CYP2U1: variants seen among roughly 807,000 people sequenced by gnomAD.
The protein encoded by CYP2U1 is cytochrome P450 family 2 subfamily U member 1, also known as cytochrome P450 2U1.
In CYP2U1, 28 loss-of-function variants were observed where a neutral mutation model predicts 42.8. The observed-to-expected ratio is 0.65, with a 90% confidence interval of 0.48 to 0.90. The LOEUF is 0.90. Among genes scored for constraint, CYP2U1 ranks in the 40% least tolerant of loss-of-function variants. The probability of loss-of-function intolerance (pLI) is 0.00; values close to 1 mark genes in which losing one functional copy is unlikely to be tolerated. For missense variants in CYP2U1, 642 were observed against 693.8 expected (o/e 0.93, Z 0.84); for synonymous variants, 296 against 278.9 (o/e 1.06, Z -0.61).
chr4:107,949,258 A>G (rs1041479329), intron 3 of CYP2U1, 92 bp from the exon 4 acceptor site: 2 of 1,271,156 alleles, frequency 1.6e-6, no homozygotes, highest in Non-Finnish European at 2.1e-6. Context: ...TGATAGGTAT[A>G]TAACTACATT....
chr4:107,950,179 G>A, intron 4 of CYP2U1, 66 bp from the exon 5 acceptor site: 2 of 1,434,680 alleles, frequency 1.4e-6, no homozygotes. Flanking sequence ...ATATAAATTT[G>A]TACTTTTTGA....
At chr4:107,946,363 A>C (rs1370815875) in intron 2 of CYP2U1, among the ~76,000 whole-genome samples, 1 of 152,140 alleles carries the variant, frequency 6.6e-6, no homozygotes, top group Non-Finnish European at 1.5e-5. Flanking sequence ...CTCAACAGGG[A>C]AAGGTTATCT....
At position 107,947,379 on chromosome 4, in the gene CYP2U1, A is replaced by G. The variant is rs1160960820; in HGVS notation, c.1130A>G (p.Lys377Arg). The G allele has an allele frequency of 6.2e-7, 1 of 1,614,060 alleles. No individual in the cohort carries two copies. Among genetic ancestry groups the G allele is most frequent in the Non-Finnish European group, 8.5e-7 (1 of 1,179,960 alleles). The stretch of plus-strand genomic sequence containing the variant: ...TTATTTTTCCCTTTTTACATAGAAA[A>G]GGTTCATGAAGAAATTGAAAGAGTC... ...YMSLNPDVQE[K>R]VHEEIERVIG... is the part of the protein sequence containing the mutation. The change falls in exon 3 of 5, where the codon AAG (lysine) becomes AGG (arginine). Residue 377 changes from lysine (K) to arginine (R), a missense_variant. Coordinates refer to ENST00000332884, the MANE Select transcript of CYP2U1 (RefSeq NM_183075.3).
chr4:107,948,073 G>A (rs1355231754), intron 3 of CYP2U1, among the ~76,000 whole-genome samples: 1 of 152,122 alleles, frequency 6.6e-6, no homozygotes, highest in African/African-American at 2.4e-5. Flanking sequence ...TTCGAGACCA[G>A]CCTGGACAAG....
At chr4:107,949,289 T>A (rs1364133112) in intron 3 of CYP2U1, 61 bp from the exon 4 acceptor site, 16 of 1,367,646 alleles carry the variant, frequency 1.2e-5, no homozygotes, top group Non-Finnish European at 1.5e-5. Context: ...ATAATGATGT[T>A]CAGGGAGAAC....
Position 107,953,041 on chromosome 4 carries a change from A to C in CYP2U1, c.*2618A>C, listed in dbSNP as rs1265276487. On this transcript the variant is annotated 3_prime_UTR_variant, in exon 5 of 5. Transcript: ENST00000332884. ...GATGATACAGTGTGGATTACACTGT[A>C]CCTTGGGCGGGAGAGTTTGTTCTTG... 1 of 152,196 alleles carries C rather than the reference A, an allele frequency of 6.6e-6. No homozygotes were observed. Among genetic ancestry groups the C allele is most frequent in the Admixed American group, 6.5e-5 (1 of 15,274 alleles). 9.4% of individuals were successfully genotyped at this position (152,196 alleles called of 1,614,324 possible). A position where few individuals can be genotyped will look rare whatever the true frequency, so the allele number is the denominator to read the frequency against.
rs537473632 is a variant in CYP2U1, at chr4:107,941,591, A to G, written c.491-3379A>G. 2.0e-5 allele frequency among the ~76,000 whole-genome samples: 3 copies of G among 151,064 alleles called. No homozygotes were observed. In the East Asian group the frequency reaches 5.9e-4, roughly 29 times the overall value. On this transcript the variant is annotated intron_variant, in intron 1 of 4. Transcript: ENST00000332884. Reference sequence around the variant, plus strand: ...CATAAGATAAACCAGGTAAGGTAGCAAAGAAGACTCAAAATAGAAACTTTT... The same window carrying G: ...CATAAGATAAACCAGGTAAGGTAGCGAAGAAGACTCAAAATAGAAACTTTT...
intron 1 of CYP2U1, among the ~76,000 whole-genome samples, chr4:107,942,272 C>T (rs1005044706): frequency 2.0e-5 from 3 of 152,132 alleles, no homozygotes; most frequent in African/African-American, 7.2e-5. Context: ...CAGTCACCAC[C>T]TATTAGGCTC....
At chr4:107,948,900 C>T (rs1733810535) in intron 3 of CYP2U1, among the ~76,000 whole-genome samples, 1 of 152,118 alleles carries the variant, frequency 6.6e-6, no homozygotes, top group African/African-American at 2.4e-5. Flanking sequence ...ATTGACTTGT[C>T]AGCTGGTAAG....
rs780578327 is a variant in CYP2U1 at position 107,950,336 on chromosome 4, T to C, written c.1548T>C (p.Pro516=). Residue 516 remains proline, a synonymous_variant, in exon 5 of 5, where the codon CCT becomes CCC. Transcript: ENST00000332884. ...TGCAGAGTTTCGCATTTGCTTTACC[T>C]GAGGATTCTAAGAAGCCCCTCCTGA... is the stretch of plus-strand genomic sequence containing the variant. ...SLMQSFAFAL[P]EDSKKPLLTG... 1.2e-6 allele frequency: 2 copies of C among 1,614,142 alleles called. No individual in the cohort carries two copies. The highest frequency in any genetic ancestry group is 1.7e-5 in the Admixed American group (1 of 60,020).
chr4:107,950,570 G>T lies in CYP2U1; in HGVS notation c.*147G>T. The T allele has an allele frequency of 1.3e-6, 1 of 752,192 alleles. No homozygotes were observed. The highest frequency in any genetic ancestry group is 2.0e-6 in the Non-Finnish European group (1 of 506,210). The allele number at this position is 752,192 out of a possible 1,614,324, so 46.6% of individuals were successfully genotyped here. ...TCGGAAGGAGGGTAGAGCACACTGG[G>T]AGGTTTCATCTTGGAGGATTCCTCA... On this transcript the variant is annotated 3_prime_UTR_variant, in exon 5 of 5. Transcript: ENST00000332884.
At position 107,931,564 on chromosome 4, in the gene CYP2U1, A is replaced by C. The variant is rs1315511309; in HGVS notation, c.-80A>C. 27 of 1,200,490 alleles carry C rather than the reference A, an allele frequency of 2.2e-5. No individual in the cohort carries two copies. Among genetic ancestry groups the C allele is most frequent in the Non-Finnish European group, 2.6e-5 (25 of 965,266 alleles). 74.4% of individuals were successfully genotyped at this position (1,200,490 alleles called of 1,614,324 possible). On this transcript the variant is annotated 5_prime_UTR_variant, in exon 1 of 5. Transcript: ENST00000332884. ...CCGACCTTCCAGAGCAGAGCAGGAC[A>C]CTGGCGCCGCGGGTCAGGCAGCTGC...
Position 107,931,598 on chromosome 4 carries a change from C to G in CYP2U1, c.-46C>G. On this transcript the variant is annotated 5_prime_UTR_variant, in exon 1 of 5. Transcript: ENST00000332884. ...GCGGGTCAGGCAGCTGCGTGCGCGT[C>G]TCCTCCAGGCAGCAAGGGGAACCCG... is the stretch of plus-strand genomic sequence containing the variant. The G allele has an allele frequency of 8.1e-7, 1 of 1,239,272 alleles. No individual in the cohort carries two copies. The highest frequency in any genetic ancestry group is 3.2e-5 in the East Asian group (1 of 31,602). 76.8% of individuals were successfully genotyped at this position (1,239,272 alleles called of 1,614,324 possible). A position where few individuals can be genotyped will look rare whatever the true frequency, so the allele number is the denominator to read the frequency against.
At chr4:107,941,242 TATAA>T (rs1733483036) in intron 1 of CYP2U1, 1 of 152,002 alleles carries the variant, frequency 6.6e-6, no homozygotes, top group African/African-American at 2.4e-5. Context: ...CATATATATA[TATAA>T]ATATAAATCT....
intron 2 of CYP2U1, among the ~76,000 whole-genome samples, chr4:107,945,909 G>T (rs578029714): frequency 6.6e-6 from 1 of 152,178 alleles, no homozygotes; most frequent in Non-Finnish European, 1.5e-5. Flanking sequence ...TCATAATGCT[G>T]ATCTGAACAC....
chr4:107,932,211 T>G, intron 1 of CYP2U1, 78 bp downstream of exon 1: 1 of 1,489,676 alleles, frequency 6.7e-7, no homozygotes, highest in Non-Finnish European at 8.9e-7. Flanking sequence ...GCAGTTCCTG[T>G]GCCCCTTCCG....
intron 1 of CYP2U1, among the ~76,000 whole-genome samples, chr4:107,943,142 C>T (rs768291194): frequency 6.6e-6 from 1 of 152,134 alleles, no homozygotes; most frequent in East Asian, 1.9e-4. Context: ...AAATAAAAAT[C>T]GATGAGATAC....
intron 1 of CYP2U1, chr4:107,935,954 G>A (rs1342004679): frequency 6.6e-6 from 1 of 152,242 alleles, no homozygotes; most frequent in Non-Finnish European, 1.5e-5. Flanking sequence ...TGAAGTTGGT[G>A]AGAATAGCAG....
Position 107,945,243 on chromosome 4 carries a change from T to C in CYP2U1, c.764T>C (p.Met255Thr). 3.1e-6 allele frequency: 5 copies of C among 1,614,152 alleles called. No homozygotes were observed. The highest frequency in any genetic ancestry group is 4.2e-6 in the Non-Finnish European group (5 of 1,180,022). ...GAGTTCAAGAAAATGCTTGGTTTTATGTCACGAGGCCTAGAAATCTGTCTG... is the reference window on the plus strand; with the variant it reads ...GAGTTCAAGAAAATGCTTGGTTTTACGTCACGAGGCCTAGAAATCTGTCTG... ...NSEFKKMLGF[M>T]SRGLEICLNS... The change falls in exon 2 of 5, where the codon ATG becomes ACG. Residue 255 changes from methionine to threonine, a missense_variant. Coordinates refer to ENST00000332884, the MANE Select transcript of CYP2U1 (RefSeq NM_183075.3).
Sources: gnomAD v4.1 joint callset for allele counts (sites outside exome capture counted in the v4.1 genomes callset) on GRCh38, gnomAD v4.1.1 for gene constraint, MANE v1.5 for transcripts, NCBI Gene and HGNC (gene_info 2026-07-23, HGNC 2026-07-21) for gene names.